Variants in RABGAP1L observed in about 807,000 individuals in gnomAD.
RABGAP1L encodes RAB GTPase activating protein 1 like.
A neutral mutation model predicts 137.7 loss-of-function variants in RABGAP1L; 63 were observed. The ratio of observed to expected loss-of-function variants is 0.46; its 90% CI spans 0.37 to 0.56. The LOEUF (loss-of-function observed/expected upper bound fraction) is 0.56, where lower values mean the gene tolerates loss of function less well. Among genes scored for constraint, RABGAP1L ranks in the 20% least tolerant of loss-of-function variants. RABGAP1L has a pLI of 0.00. For synonymous variants in RABGAP1L, 431 were observed against 433.7 expected (o/e 0.99, Z 0.08); for missense variants, 1,095 against 1,244.0 (o/e 0.88, Z 1.80).
rs117855283 is a variant in RABGAP1L at position 174,376,402 on chromosome 1, G to A, written c.1559+5330G>A. ...TATTACAGAAAAGAAAATTGCAGAC[G>A]AGTGTCCCTCATGGATATAGACTAA... is the stretch of plus-strand genomic sequence containing the variant. On this transcript the variant is annotated intron_variant, in intron 12 of 25. Coordinates refer to ENST00000681986, the MANE Select transcript of RABGAP1L (RefSeq NM_001366446.1). 1.3e-3 allele frequency among the ~76,000 whole-genome samples: 194 copies of A among 152,198 alleles called. 3 individuals carry two copies. In the East Asian group the frequency reaches 0.034, roughly 27 times the overall value.
rs1670628366 is a variant in RABGAP1L, at chr1:174,231,284, C to T, written c.471C>T (p.Thr157=). 7.4e-6 allele frequency: 12 copies of T among 1,614,006 alleles called. No individual in the cohort carries two copies. The highest frequency in any genetic ancestry group is 8.5e-6 in the Non-Finnish European group (10 of 1,180,020). Residue 157 remains threonine (T), a synonymous_variant, in exon 4 of 26, where the codon ACC becomes ACT. Coordinates refer to ENST00000681986, the MANE Select transcript of RABGAP1L (RefSeq NM_001366446.1). The part of the protein sequence containing the change: ...NEVEALRAMA[T]MKSSSQYPFP... ...TAGAGGCTTTACGGGCAATGGCAAC[C>T]ATGAAATCTTCCAGTCAATACCCCT...
At chr1:174,927,151 A>T (rs1662980109) in intron 19 of RABGAP1L, among the ~76,000 whole-genome samples, 1 of 151,776 alleles carries the variant, frequency 6.6e-6, no homozygotes, top group African/African-American at 2.4e-5. Context: ...CATTTTTAAG[A>T]TTTCACTGTT....
At chr1:174,723,538 A>G (rs1681749559) in intron 17 of RABGAP1L, among the ~76,000 whole-genome samples, 1 of 152,226 alleles carries the variant, frequency 6.6e-6, no homozygotes, top group African/African-American at 2.4e-5. Flanking sequence ...ATTGGGCCAT[A>G]GTAGTCACTG....
At chr1:174,329,854 A>C (rs1231121067) in intron 11 of RABGAP1L, among the ~76,000 whole-genome samples, 1 of 152,108 alleles carries the variant, frequency 6.6e-6, no homozygotes, top group East Asian at 1.9e-4. Flanking sequence ...TGATAAAACC[A>C]CAGCTAACAT....
At chr1:174,678,470 C>CAA (rs146060051) in intron 14 of RABGAP1L, among the ~76,000 whole-genome samples, 1 of 143,486 alleles carries the variant, frequency 7.0e-6, no homozygotes, top group African/African-American at 2.6e-5. Context: ...CAAAACAAAA[C>CAA]AAAAAAAAAA....
intron 1 of RABGAP1L, among the ~76,000 whole-genome samples, chr1:174,183,717 G>C (rs565169224): frequency 1.3e-5 from 2 of 152,164 alleles, no homozygotes; most frequent in African/African-American, 4.8e-5. Context: ...ACCATTATTA[G>C]TATCATATGG....
intron 1 of RABGAP1L, among the ~76,000 whole-genome samples, chr1:174,186,425 A>G (rs781412240): frequency 3.3e-5 from 5 of 152,202 alleles, no homozygotes; most frequent in African/African-American, 4.8e-5. Flanking sequence ...GTTATTTTAA[A>G]CTGCTTTCTA....
At chr1:174,845,175 G>A (rs1174276793) in intron 19 of RABGAP1L, among the ~76,000 whole-genome samples, 1 of 128,262 alleles carries the variant, frequency 7.8e-6, no homozygotes, top group Non-Finnish European at 1.7e-5. Flanking sequence ...CTGCAAACAG[G>A]GACAATTTGA....
In RABGAP1L at chr1:174,371,013, T is replaced by C. The variant is rs1685074601; in HGVS notation, c.1500T>C (p.Asp500=). ...SDNELSSGTG[D]VSKDCPEKIL... Reference sequence around the variant, plus strand: ...ATGAACTCTCAAGTGGAACAGGTGATGTGTCTAAGGATTGTCCTGAGAAGA... The same window carrying C: ...ATGAACTCTCAAGTGGAACAGGTGACGTGTCTAAGGATTGTCCTGAGAAGA... The change falls in exon 12 of 26, where the codon GAT becomes GAC. Residue 500 remains aspartate (D), a synonymous_variant. Transcript: ENST00000681986. The C allele has an allele frequency of 1.3e-6, 2 of 1,497,786 alleles. No individual in the cohort carries two copies. Among genetic ancestry groups the C allele is most frequent in the South Asian group, 2.9e-5 (2 of 68,212 alleles). 92.8% of individuals were successfully genotyped at this position (1,497,786 alleles called of 1,614,324 possible).
chr1:174,556,751 T>C (rs1187448094), intron 13 of RABGAP1L, among the ~76,000 whole-genome samples: 1 of 152,236 alleles, frequency 6.6e-6, no homozygotes, highest in East Asian at 1.9e-4. Flanking sequence ...GTGATGGCTT[T>C]ATGCAGTTTG....
chr1:174,587,333 A>G lies in RABGAP1L; in HGVS notation c.1711-50042A>G, dbSNP rs1228135833. ...GGGGAGGGATAGCATTGGGAGATAT[A>G]CTTAATGTTAGATGACGAGTTAGTG... On this transcript the variant is annotated intron_variant, in intron 13 of 25. Coordinates refer to ENST00000681986, the MANE Select transcript of RABGAP1L (RefSeq NM_001366446.1). Among the ~76,000 whole-genome samples the G allele has an allele frequency of 1.0e-4, 15 of 150,614 alleles. No individual in the cohort carries two copies. The East Asian group carries it at 3.0e-3, about 30-fold the overall frequency.
chr1:174,164,333 T>A (rs568551937), intron 1 of RABGAP1L, among the ~76,000 whole-genome samples: 1 of 152,262 alleles, frequency 6.6e-6, no homozygotes, highest in East Asian at 1.9e-4. Flanking sequence ...AGAGTAAGAT[T>A]TATCAAATTA....
At chr1:174,551,782 A>C (rs1213352956) in intron 13 of RABGAP1L, among the ~76,000 whole-genome samples, 2 of 152,202 alleles carry the variant, frequency 1.3e-5, no homozygotes, top group Non-Finnish European at 2.9e-5. Context: ...AAAATTGGTA[A>C]ACCTTTGACA....
At chr1:174,384,410 C>T (rs1446780478) in intron 12 of RABGAP1L, among the ~76,000 whole-genome samples, 1 of 151,122 alleles carries the variant, frequency 6.6e-6, no homozygotes, top group African/African-American at 2.4e-5. Context: ...GTGAATTTTA[C>T]TCTGTATAAA....
At chr1:174,535,161 A>G (rs1298721652) in intron 13 of RABGAP1L, among the ~76,000 whole-genome samples, 1 of 152,158 alleles carries the variant, frequency 6.6e-6, no homozygotes, top group Non-Finnish European at 1.5e-5. Context: ...TCTTTTAGGT[A>G]TAGCTGTAAA....
chr1:174,624,630 G>T, intron 13 of RABGAP1L, among the ~76,000 whole-genome samples: 1 of 152,030 alleles, frequency 6.6e-6, no homozygotes, highest in East Asian at 1.9e-4. Flanking sequence ...AGTTAATCCA[G>T]AAAAATATTG....
intron 1 of RABGAP1L, among the ~76,000 whole-genome samples, chr1:174,177,890 AG>A (rs1463475815): frequency 6.6e-6 from 1 of 152,124 alleles, no homozygotes; most frequent in African/African-American, 2.4e-5. Context: ...GTAGCCTTGT[AG>A]TATAGTTTGA....
chr1:174,229,421 C>T (rs554723887), intron 3 of RABGAP1L, among the ~76,000 whole-genome samples: 1 of 152,046 alleles, frequency 6.6e-6, no homozygotes. Context: ...AGTGGCAGGT[C>T]TCAATCCATA....
At chr1:174,932,574 G>C (rs980192816) in intron 19 of RABGAP1L, among the ~76,000 whole-genome samples, 2 of 152,018 alleles carry the variant, frequency 1.3e-5, no homozygotes, top group Admixed American at 1.3e-4. Flanking sequence ...ATTTGACCAA[G>C]GTGATTTCTG....
Sources: gnomAD v4.1 joint callset for allele counts (sites outside exome capture counted in the v4.1 genomes callset) on GRCh38, gnomAD v4.1.1 for gene constraint, MANE v1.5 for transcripts, NCBI Gene and HGNC (gene_info 2026-07-23, HGNC 2026-07-21) for gene names.